MTMR1: variants seen among roughly 807,000 people sequenced by gnomAD.
The protein encoded by MTMR1 is phosphatidylinositol-3-phosphate phosphatase MTMR1.
MTMR1 carries 17 observed loss-of-function variants against 51.6 expected under a neutral mutation model. That is an observed-to-expected ratio of 0.33 (90% CI 0.23 to 0.49). The LOEUF is 0.49. Among genes scored for constraint, MTMR1 ranks in the 20% least tolerant of loss-of-function variants. The pLI is 0.99. For synonymous variants in MTMR1, 201 were observed against 205.6 expected (o/e 0.98, Z 0.19); for missense variants, 386 against 526.9 (o/e 0.73, Z 2.62).
At chrX:150,730,369 T>C (rs377443386) in intron 7 of MTMR1, among the ~76,000 whole-genome samples, 156 bp from the exon 8 acceptor site, 3 of 111,256 alleles carry the variant, frequency 2.7e-5, no homozygotes, top group East Asian at 5.6e-4. Flanking sequence ...TTCTGGGTAA[T>C]GCTTAAGAAA....
chrX:150,752,176 C>T (rs1305165847), intron 14 of MTMR1, among the ~76,000 whole-genome samples: 1 of 110,794 alleles, frequency 9.0e-6, no homozygotes, highest in African/African-American at 3.3e-5. Context: ...TCTCAGCCTC[C>T]CAAAGTGCTA....
intron 10 of MTMR1, among the ~76,000 whole-genome samples, chrX:150,734,328 C>G (rs782278397): frequency 2.7e-4 from 31 of 113,014 alleles, no homozygotes; most frequent in Non-Finnish European, 4.7e-4. Context: ...TCTCAGGATC[C>G]TTAAACATCT....
chrX:150,762,060 G>A (rs1260798336), intron 15 of MTMR1, among the ~76,000 whole-genome samples: 1 of 112,578 alleles, frequency 8.9e-6, no homozygotes, highest in Non-Finnish European at 1.9e-5. Context: ...ATCCTGCTCC[G>A]GTTGATGAAA....
Position 150,752,889 on chromosome X carries a change from G to A in MTMR1, c.1680+2046G>A, listed in dbSNP as rs781883134. Among the ~76,000 whole-genome samples, 18 of 110,421 alleles carry A rather than the reference G, an allele frequency of 1.6e-4. No homozygotes were observed. In the South Asian group the frequency reaches 4.3e-3, roughly 26 times the overall value. On this transcript the variant is annotated intron_variant, in intron 14 of 15. Coordinates refer to ENST00000445323, the MANE Select transcript of MTMR1 (RefSeq NM_001306144.3). ...ACTCCTGGCCTCAAGTGATGTTCCC[G>A]CCTCGGCCTCCCAAAGTGCTGGGAT...
chrX:150,706,684 T>A (rs1230633788), intron 2 of MTMR1, among the ~76,000 whole-genome samples: 5 of 112,277 alleles, frequency 4.5e-5, no homozygotes, highest in African/African-American at 1.3e-4. Context: ...AAGATGTCAC[T>A]TCTCCCCTAA....
intron 2 of MTMR1, among the ~76,000 whole-genome samples, chrX:150,702,434 G>T (rs111879787): frequency 0.016 from 1,828 of 111,579 alleles, 35 homozygotes; most frequent in African/African-American, 0.057. Context: ...TTGGTGATGG[G>T]ACCCTGCATT....
At chrX:150,705,869 T>C (rs2041083646) in intron 2 of MTMR1, among the ~76,000 whole-genome samples, 1 of 111,934 alleles carries the variant, frequency 8.9e-6, no homozygotes, top group Non-Finnish European at 1.9e-5. Flanking sequence ...TATACAAAAG[T>C]GAGTTGCATT....
In MTMR1 at chrX:150,763,494, G is replaced by T. The variant is rs2148692256; in HGVS notation, c.*765G>T. The T allele has an allele frequency of 8.9e-6, 1 of 112,800 alleles. No individual in the cohort carries two copies. Among genetic ancestry groups the T allele is most frequent in the South Asian group, 3.6e-4 (1 of 2,778 alleles). 9.3% of individuals were successfully genotyped at this position (112,800 alleles called of 1,213,427 possible). On this transcript the variant is annotated 3_prime_UTR_variant, in exon 16 of 16. Transcript: ENST00000445323. The stretch of plus-strand genomic sequence containing the variant: ...TGCTCAGTCTTCCAGCCCCGCTGAG[G>T]GTAAACCGAGGCCTCTGGCAGCTGT...
intron 3 of MTMR1, among the ~76,000 whole-genome samples, chrX:150,716,274 C>T (rs1557416386): frequency 8.9e-6 from 1 of 112,616 alleles, no homozygotes; most frequent in Non-Finnish European, 1.9e-5. Flanking sequence ...TTTCTCACTT[C>T]ATGAGATGCT....
intron 15 of MTMR1, among the ~76,000 whole-genome samples, chrX:150,758,213 C>A (rs73250570): frequency 0.075 from 8,326 of 110,988 alleles, 375 homozygotes; most frequent in African/African-American, 0.16. Flanking sequence ...GGACTCACAC[C>A]TGCCCACCCT....
chrX:150,716,844 A>G (rs782173765), intron 3 of MTMR1, among the ~76,000 whole-genome samples: 68 of 112,820 alleles, frequency 6.0e-4, no homozygotes, highest in Middle Eastern at 4.6e-3. Context: ...AATTTTCAAT[A>G]ATTTAGAATT....
At chrX:150,743,237 C>G (rs2042484117) in intron 12 of MTMR1, among the ~76,000 whole-genome samples, 3 of 110,131 alleles carry the variant, frequency 2.7e-5, no homozygotes, top group African/African-American at 9.9e-5. Flanking sequence ...GACCCCATCT[C>G]TACAAAATAA....
At chrX:150,694,960 C>T (rs1268283355) in intron 1 of MTMR1, among the ~76,000 whole-genome samples, 1 of 112,253 alleles carries the variant, frequency 8.9e-6, no homozygotes, top group African/African-American at 3.2e-5. Context: ...CAAAGGAGAC[C>T]AGAATGTGTC....
At chrX:150,733,645 A>C (rs1295907992) in intron 10 of MTMR1, among the ~76,000 whole-genome samples, 3 of 111,047 alleles carry the variant, frequency 2.7e-5, no homozygotes, top group Non-Finnish European at 3.8e-5. Context: ...GTGCTCTAGA[A>C]TCCTGAGCCG....
At chrX:150,718,446 G>A (rs1379927579) in intron 3 of MTMR1, among the ~76,000 whole-genome samples, 179 bp from the exon 4 acceptor site, 1 of 110,448 alleles carries the variant, frequency 9.1e-6, no homozygotes, top group Non-Finnish European at 1.9e-5. Context: ...ATGGTGTCTT[G>A]TGATGCTAAG....
rs182537226 is a variant in MTMR1, at chrX:150,724,238, C to T, written c.353-2977C>T. On this transcript the variant is annotated intron_variant, in intron 4 of 15. Transcript: ENST00000445323. ...TCCCTTTTCTCTGCAACCTCATCAT[C>T]TCTTATTTTTTTTTTTTACTTTTTA... 2.3e-3 allele frequency among the ~76,000 whole-genome samples: 253 copies of T among 110,506 alleles called. 3 individuals are homozygous for T. Among genetic ancestry groups the T allele is most frequent in the Middle Eastern group, 0.019 (4 of 216 alleles).
At chrX:150,708,658 G>C (rs140379164) in intron 2 of MTMR1, among the ~76,000 whole-genome samples, 1,232 of 111,141 alleles carry the variant, frequency 0.011, 7 homozygotes, top group Non-Finnish European at 0.018. Flanking sequence ...ATAGGTTCTT[G>C]ACATGTTTAG....
intron 10 of MTMR1, among the ~76,000 whole-genome samples, chrX:150,733,655 G>A (rs1163640584): frequency 1.8e-5 from 2 of 111,169 alleles, no homozygotes; most frequent in Non-Finnish European, 3.8e-5. Context: ...ATCCTGAGCC[G>A]GTTACTTAAC....
At position 150,730,126 on chromosome X, in the gene MTMR1, G is replaced by A. The variant is rs1266078949; in HGVS notation, c.573G>A (p.Arg191=). The A allele has an allele frequency of 4.2e-6, 5 of 1,199,758 alleles. No homozygotes were observed. Among genetic ancestry groups the A allele is most frequent in the Non-Finnish European group, 5.6e-6 (5 of 890,749 alleles). Residue 191 remains arginine, a synonymous_variant, in exon 7 of 16, where the codon CGG becomes CGA. Transcript: ENST00000445323. ...EIVCKDMRNL[R]LAYKQEEQSK... ...TTTAACAGGATATGAGGAACTTGCG[G>A]CTTGCTTATAAACAGGAAGAACAGA...
Sources: allele counts gnomAD v4.1 joint callset (sites outside exome capture counted in the v4.1 genomes callset), GRCh38; gene constraint gnomAD v4.1.1; transcripts MANE v1.5; gene names NCBI Gene and HGNC (gene_info 2026-07-23, HGNC 2026-07-21).